TUT7: variants seen among roughly 807,000 people sequenced by gnomAD.
TUT7 encodes terminal uridylyltransferase 7.
Under a neutral mutation model 165.9 loss-of-function variants are expected in TUT7, and 33 were observed. The ratio of observed to expected loss-of-function variants is 0.20; its 90% CI spans 0.15 to 0.27. The LOEUF (loss-of-function observed/expected upper bound fraction) is 0.27, where lower values mean the gene tolerates loss of function less well. Ranked by LOEUF, TUT7 falls within the 10% of genes least tolerant of loss-of-function variation. TUT7 has a pLI of 1.00. For synonymous variants in TUT7, 552 were observed against 608.1 expected (o/e 0.91, Z 1.36); for missense variants, 1,338 against 1,762.3 (o/e 0.76, Z 4.31).
chr9:86,292,351 C>T (rs547754914), intron 26 of TUT7, among the ~76,000 whole-genome samples: 3 of 152,174 alleles, frequency 2.0e-5, no homozygotes, highest in East Asian at 3.9e-4. Context: ...CACCTGTAAT[C>T]CCAGCTACTT....
intron 26 of TUT7, chr9:86,298,759 C>A (rs1233656936): frequency 1.0e-6 from 1 of 983,556 alleles, no homozygotes; most frequent in Non-Finnish European, 1.2e-6. Context: ...TTTTTAAAAC[C>A]CACATACCTG....
intron 12 of TUT7, among the ~76,000 whole-genome samples, chr9:86,324,162 CATCGGCTCT>C (rs1829577392): frequency 6.6e-6 from 1 of 152,174 alleles, no homozygotes; most frequent in Admixed American, 6.5e-5. Flanking sequence ...TTTTCTGAAA[CATCGGCTCT>C]ATGAAGGGAA....
At chr9:86,324,569 C>A (rs1829619676) in intron 12 of TUT7, 1 of 151,996 alleles carries the variant, frequency 6.6e-6, no homozygotes, top group South Asian at 2.1e-4. Flanking sequence ...TGACTGCACA[C>A]AGAATTTATG....
At position 86,343,177 on chromosome 9, in the gene TUT7, A is replaced by G. The variant is rs751079036; in HGVS notation, c.998-14T>C. The G allele has an allele frequency of 1.9e-5, 27 of 1,458,398 alleles. No individual in the cohort carries two copies. In the African/African-American group the frequency reaches 3.9e-4, roughly 21 times the overall value. The allele number at this position is 1,458,398 out of a possible 1,614,324, so 90.3% of individuals were successfully genotyped here. On this transcript the variant is annotated splice_polypyrimidine_tract_variant and intron_variant, in intron 5 of 26. Coordinates refer to ENST00000375963, the MANE Select transcript of TUT7 (RefSeq NM_024617.4). ...TTAGGGAACAATCTAAAAAATAAATAAATAAATAAAAGTAATAAATACAGT... is the reference window on the plus strand; with the variant it reads ...TTAGGGAACAATCTAAAAAATAAATGAATAAATAAAAGTAATAAATACAGT...
intron 26 of TUT7, among the ~76,000 whole-genome samples, chr9:86,293,392 G>A (rs1289625605): frequency 3.3e-5 from 5 of 152,086 alleles, no homozygotes; most frequent in Non-Finnish European, 7.4e-5. Context: ...GCTGTAGTGA[G>A]CTATAATTGA....
At chr9:86,329,294 T>C (rs1830087794) in intron 10 of TUT7, among the ~76,000 whole-genome samples, 1 of 151,820 alleles carries the variant, frequency 6.6e-6, no homozygotes, top group Non-Finnish European at 1.5e-5. Context: ...GAGGCTGAGG[T>C]GGGCGGATCA....
chr9:86,335,238 G>A (rs141261975), intron 10 of TUT7, among the ~76,000 whole-genome samples: 1 of 152,300 alleles, frequency 6.6e-6, no homozygotes, highest in East Asian at 1.9e-4. Context: ...AAACAGAGAT[G>A]AGTCCCAGTG....
intron 2 of TUT7, among the ~76,000 whole-genome samples, chr9:86,349,965 A>C (rs922625863): frequency 6.6e-6 from 1 of 152,174 alleles, no homozygotes; most frequent in East Asian, 1.9e-4. Flanking sequence ...AAAACATATA[A>C]AAGTTTTTGT....
chr9:86,307,134 G>T (rs369725118), intron 22 of TUT7, among the ~76,000 whole-genome samples: 1 of 152,024 alleles, frequency 6.6e-6, no homozygotes. Context: ...TTAGCCAGGC[G>T]TGGTGGCACG....
At chr9:86,344,897 T>G in intron 5 of TUT7, 80 bp downstream of exon 5, 1 of 1,286,188 alleles carries the variant, frequency 7.8e-7, no homozygotes, top group Non-Finnish European at 1.1e-6. Flanking sequence ...AAATTTTTAT[T>G]TGATGAAAAT....
chr9:86,346,284 A>C lies in TUT7; in HGVS notation c.702+15T>G. ...CCAGGATTCTAACCAACAAATATAT[A>C]TATAAGGATGTTACCCTTTTTAGCC... On this transcript the variant is annotated intron_variant, in intron 3 of 26. Transcript: ENST00000375963. The C allele has an allele frequency of 6.2e-7, 1 of 1,609,748 alleles. No individual in the cohort carries two copies. The highest frequency in any genetic ancestry group is 2.2e-5 in the East Asian group (1 of 44,842).
rs1017372834 is a variant in TUT7, at chr9:86,296,535, A to G, written c.4420+4741T>C. 3.9e-5 allele frequency among the ~76,000 whole-genome samples: 6 copies of G among 152,314 alleles called. No homozygotes were observed. In the South Asian group the frequency reaches 1.2e-3, roughly 32 times the overall value. Reference sequence around the variant, plus strand: ...GGGAGTAAAGAACTATATGCAACCTAGAGGAAAGGATGGGGGTAGGTATCA... The same window carrying G: ...GGGAGTAAAGAACTATATGCAACCTGGAGGAAAGGATGGGGGTAGGTATCA... On this transcript the variant is annotated intron_variant, in intron 26 of 26. Coordinates refer to ENST00000375963, the MANE Select transcript of TUT7 (RefSeq NM_024617.4).
chr9:86,318,556 C>T (rs1437162127), intron 16 of TUT7, among the ~76,000 whole-genome samples: 1 of 152,186 alleles, frequency 6.6e-6, no homozygotes, highest in African/African-American at 2.4e-5. Flanking sequence ...ACAAGTTTGT[C>T]TCAAATCCAG....
chr9:86,342,580 G>A (rs1831413910), intron 6 of TUT7, among the ~76,000 whole-genome samples: 1 of 152,064 alleles, frequency 6.6e-6, no homozygotes. Flanking sequence ...CTACACTCCA[G>A]TTTTAAAATT....
intron 2 of TUT7, among the ~76,000 whole-genome samples, chr9:86,351,173 C>T (rs1012837677): frequency 6.7e-6 from 1 of 148,866 alleles, no homozygotes; most frequent in Non-Finnish European, 1.5e-5. Context: ...TGGTGGCTCA[C>T]GCCTGTAATC....
chr9:86,327,778 A>G (rs1028293022), intron 11 of TUT7, among the ~76,000 whole-genome samples: 5 of 152,216 alleles, frequency 3.3e-5, no homozygotes, highest in African/African-American at 1.2e-4. Flanking sequence ...TTCGATTCCA[A>G]GAATTTTGTG....
intron 18 of TUT7, 53 bp from the exon 19 acceptor site, chr9:86,310,070 C>CCT: frequency 1.8e-6 from 2 of 1,117,318 alleles, no homozygotes; most frequent in South Asian, 1.6e-5. Context: ...TAAAGGGTCT[C>CCT]TTTTTTTTTT....
chr9:86,301,951 A>T, intron 25 of TUT7: 1 of 687,476 alleles, frequency 1.5e-6, no homozygotes, highest in Non-Finnish European at 1.8e-6. Context: ...GCACATTAGC[A>T]TTCTTTCTTT....
chr9:86,287,776 C>G lies in TUT7; in HGVS notation c.*901G>C, dbSNP rs1825648909. 6.6e-6 allele frequency: 1 copy of G among 151,622 alleles called. No homozygotes were observed. The highest frequency in any genetic ancestry group is 1.5e-5 in the Non-Finnish European group (1 of 67,942). The allele number at this position is 151,622 out of a possible 1,614,324, so 9.4% of individuals were successfully genotyped here. ...ATTTTATTTCAAAATGATAAATAAA[C>G]CGAGGCATAGTTCTGACCAGGTACT... On this transcript the variant is annotated 3_prime_UTR_variant, in exon 27 of 27. Transcript: ENST00000375963.
Sources: gnomAD v4.1 joint callset for allele counts (sites outside exome capture counted in the v4.1 genomes callset) on GRCh38, gnomAD v4.1.1 for gene constraint, MANE v1.5 for transcripts, NCBI Gene and HGNC (gene_info 2026-07-23, HGNC 2026-07-21) for gene names.